SLC24A2: variants seen among roughly 807,000 people sequenced by gnomAD.
The protein encoded by SLC24A2 is solute carrier family 24 member 2, also known as sodium/potassium/calcium exchanger 2.
SLC24A2 carries 36 observed loss-of-function variants against 62.0 expected under a neutral mutation model. The observed-to-expected ratio is 0.58, with a 90% CI of 0.44 to 0.77. The LOEUF is 0.77. Among genes scored for constraint, SLC24A2 ranks in the 30% least tolerant of loss-of-function variants. The pLI is 0.00. For synonymous variants in SLC24A2, 358 were observed against 294.0 expected, an observed-to-expected ratio of 1.22 and a Z score of -2.23; for missense variants, 846 against 817.9, an observed-to-expected ratio of 1.03 and a Z score of -0.42.
chr9:19,851,012 TATATATATATACA>T, the SLC24A2 span, among the ~76,000 whole-genome samples: 12 of 74,358 alleles, frequency 1.6e-4, no homozygotes, highest in South Asian at 1.3e-3. Context: ...CACATACATA[TATATATATATACA>T]TATTTTTTTT....
intron 4 of SLC24A2, among the ~76,000 whole-genome samples, chr9:19,609,519 G>A (rs1023855461): frequency 6.6e-6 from 1 of 152,218 alleles, no homozygotes; most frequent in South Asian, 2.1e-4. Flanking sequence ...TGCATTTAGA[G>A]TTTAATTTGG....
chr9:19,581,203 G>T (rs924816180), intron 5 of SLC24A2, among the ~76,000 whole-genome samples: 1 of 152,146 alleles, frequency 6.6e-6, no homozygotes, highest in Admixed American at 6.5e-5. Context: ...TCAAGTTTCA[G>T]TGAATCCCCC....
the SLC24A2 span, among the ~76,000 whole-genome samples, chr9:19,853,192 C>A: frequency 6.6e-6 from 1 of 152,166 alleles, no homozygotes; most frequent in African/African-American, 2.4e-5. Context: ...TGTTTATCAG[C>A]TTAAGAAGCT....
At chr9:20,265,806 C>T in the SLC24A2 span, among the ~76,000 whole-genome samples, 21 of 152,182 alleles carry the variant, frequency 1.4e-4, no homozygotes, top group Non-Finnish European at 8.8e-5. Context: ...GGAGAAATAT[C>T]GCTGAATTCT....
the SLC24A2 span, among the ~76,000 whole-genome samples, chr9:20,122,070 C>T: frequency 6.6e-6 from 1 of 152,130 alleles, no homozygotes; most frequent in Non-Finnish European, 1.5e-5. Flanking sequence ...GCTGGGGGCA[C>T]CAAACGTTCC....
At chr9:19,518,222 A>G (rs975024465) in intron 10 of SLC24A2, among the ~76,000 whole-genome samples, 30 of 152,296 alleles carry the variant, frequency 2.0e-4, no homozygotes, top group African/African-American at 7.0e-4. Context: ...ATGTAATGTT[A>G]TATAGCTGTT....
At position 19,590,296 on chromosome 9, in the gene SLC24A2, T is replaced by A. The variant is rs116708838; in HGVS notation, c.1129+6933A>T. On this transcript the variant is annotated intron_variant, in intron 5 of 10. Transcript: ENST00000341998. The stretch of plus-strand genomic sequence containing the variant: ...TCCAGATGGCCCTGAATGTCCCCAA[T>A]CTGACTCAATCTCCCACTCCTGCCA... 9.2e-4 allele frequency among the ~76,000 whole-genome samples: 140 copies of A among 152,308 alleles called. 1 individual carries two copies. Among genetic ancestry groups the A allele is most frequent in the African/African-American group, 3.1e-3 (128 of 41,568 alleles).
the SLC24A2 span, among the ~76,000 whole-genome samples, chr9:19,858,706 AT>A: frequency 6.6e-6 from 1 of 152,162 alleles, no homozygotes; most frequent in Admixed American, 6.5e-5. Context: ...TGAACAGATA[AT>A]TTTCAAAGAA....
At chr9:19,517,175 C>G (rs1424684918) in intron 10 of SLC24A2, among the ~76,000 whole-genome samples, 1 of 152,120 alleles carries the variant, frequency 6.6e-6, no homozygotes, top group East Asian at 1.9e-4. Context: ...TCCACTACAC[C>G]ACAAGCATTG....
At chr9:19,710,966 A>C (rs1402111833) in intron 2 of SLC24A2, among the ~76,000 whole-genome samples, 3 of 152,196 alleles carry the variant, frequency 2.0e-5, no homozygotes, top group African/African-American at 4.8e-5. Context: ...GTACTTAATA[A>C]ATGCCTATTT....
the SLC24A2 span, among the ~76,000 whole-genome samples, chr9:19,902,289 T>C: frequency 6.6e-6 from 1 of 152,166 alleles, no homozygotes; most frequent in Non-Finnish European, 1.5e-5. Flanking sequence ...ATTCAGTCAG[T>C]TGGGAGGCTT....
chr9:19,698,437 C>G (rs1820256489), intron 2 of SLC24A2, among the ~76,000 whole-genome samples: 1 of 152,162 alleles, frequency 6.6e-6, no homozygotes, highest in African/African-American at 2.4e-5. Flanking sequence ...ATCCAAAACA[C>G]TTCTGGTTCC....
the SLC24A2 span, among the ~76,000 whole-genome samples, chr9:20,208,402 C>T: frequency 1.3e-5 from 2 of 152,330 alleles, no homozygotes; most frequent in South Asian, 2.1e-4. Context: ...TTTTCCTCTT[C>T]TGATATGCAG....
the SLC24A2 span, among the ~76,000 whole-genome samples, chr9:20,155,744 T>A: frequency 6.6e-6 from 1 of 151,734 alleles, no homozygotes; most frequent in Non-Finnish European, 1.5e-5. Context: ...TCAACATAAT[T>A]TTAAAAACCA....
At chr9:20,215,628 G>T in the SLC24A2 span, among the ~76,000 whole-genome samples, 1 of 152,086 alleles carries the variant, frequency 6.6e-6, no homozygotes, top group Non-Finnish European at 1.5e-5. Context: ...TATCGCCTTT[G>T]CCAGACCACT....
At chr9:20,264,402 G>T in the SLC24A2 span, among the ~76,000 whole-genome samples, 2 of 152,220 alleles carry the variant, frequency 1.3e-5, no homozygotes, top group African/African-American at 4.8e-5. Context: ...CAGGACAGCT[G>T]CCCCTGCTTC....
intron 2 of SLC24A2, among the ~76,000 whole-genome samples, chr9:19,631,846 G>T (rs560735865): frequency 6.6e-6 from 1 of 152,140 alleles, no homozygotes; most frequent in Non-Finnish European, 1.5e-5. Flanking sequence ...TGCTGTACGG[G>T]TCCTTTAACC....
chr9:19,618,998 A>C (rs1039908989), intron 4 of SLC24A2, among the ~76,000 whole-genome samples: 7 of 152,214 alleles, frequency 4.6e-5, no homozygotes, highest in Admixed American at 1.3e-4. Flanking sequence ...ATGTGATTAC[A>C]CTGGGAAGTG....
the SLC24A2 span, among the ~76,000 whole-genome samples, chr9:20,021,238 G>A: frequency 6.6e-6 from 1 of 152,016 alleles, no homozygotes; most frequent in Non-Finnish European, 1.5e-5. Context: ...GTGGATACAT[G>A]CATGTTAGCG....
Sources: gnomAD v4.1 joint callset for allele counts (sites outside exome capture counted in the v4.1 genomes callset) on GRCh38, gnomAD v4.1.1 for gene constraint, MANE v1.5 for transcripts, NCBI Gene and HGNC (gene_info 2026-07-23, HGNC 2026-07-21) for gene names.